MCF2: variants seen among roughly 807,000 people sequenced by gnomAD.
MCF2 encodes MCF.2 cell line derived transforming sequence, also known as proto-oncogene DBL.
In MCF2, 44 loss-of-function variants were observed where a neutral mutation model predicts 82.5. The ratio of observed to expected loss-of-function variants is 0.53; its 90% CI spans 0.42 to 0.69. MCF2 has a LOEUF of 0.69. MCF2 is among the 30% of genes least tolerant of loss of function. The pLI is 0.00. For synonymous variants in MCF2, 217 were observed against 224.9 expected (o/e 0.96, Z 0.32); for missense variants, 623 against 663.1 (o/e 0.94, Z 0.66).
intron 1 of MCF2, among the ~76,000 whole-genome samples, chrX:139,669,313 T>C (rs1308392403): frequency 8.9e-6 from 1 of 112,141 alleles, no homozygotes; most frequent in Non-Finnish European, 1.9e-5. Context: ...TAGGAAAATG[T>C]ATATGGAAAC....
chrX:139,619,511 G>T (rs1932173759), intron 7 of MCF2, 76 bp downstream of exon 10: 1 of 761,420 alleles, frequency 1.3e-6, no homozygotes, highest in Admixed American at 3.7e-5. Context: ...AATAATAAGG[G>T]TTTATACTAC....
chrX:139,625,431 C>T lies in MCF2; in HGVS notation c.687+762G>A, dbSNP rs1424093107. On this transcript the variant is annotated intron_variant, in intron 6 of 24. Coordinates refer to ENST00000370576, the Ensembl canonical transcript of MCF2. Reference sequence around the variant, plus strand: ...TGTTTGAATCAAAGGAGAGAAAACGCTAGTGGTAACTGAGCCCCGCGTCCA... The same window carrying T: ...TGTTTGAATCAAAGGAGAGAAAACGTTAGTGGTAACTGAGCCCCGCGTCCA... Among the ~76,000 whole-genome samples, 9 of 111,461 alleles carry T rather than the reference C, an allele frequency of 8.1e-5. No homozygotes were observed. In the East Asian group the frequency reaches 2.3e-3, roughly 28 times the overall value.
At chrX:139,585,091 T>C in exon 24 of MCF2, 1 of 1,200,957 alleles carries the variant, frequency 8.3e-7, no homozygotes, top group South Asian at 1.8e-5. Flanking sequence ...TTCTTCTTCA[T>C]TTTCATCATA....
intron 1 of MCF2, among the ~76,000 whole-genome samples, chrX:139,658,570 C>T (rs1218592717): frequency 9.2e-6 from 1 of 108,393 alleles, no homozygotes; most frequent in Non-Finnish European, 1.9e-5. Flanking sequence ...GTTCAAGAAA[C>T]TTGAAATTTA....
chrX:139,589,884 C>G, exon 20 of MCF2: 1 of 1,195,992 alleles, frequency 8.4e-7, no homozygotes, highest in Non-Finnish European at 1.1e-6. Flanking sequence ...TTCAAACTTG[C>G]GGTTATCACC....
chrX:139,619,802 G>A (rs1932201164), intron 6 of MCF2, 96 bp from the exon 10 acceptor site: 2 of 618,247 alleles, frequency 3.2e-6, no homozygotes, highest in Non-Finnish European at 4.7e-6. Context: ...ATATTGACAT[G>A]GAGAAATTAC....
At position 139,686,445 on chromosome X, in the gene MCF2, G is replaced by A. The variant is rs192937409; in HGVS notation, c.-45+21661C>T. Among the ~76,000 whole-genome samples the A allele has an allele frequency of 8.1e-4, 89 of 110,414 alleles. No homozygotes were observed. The Middle Eastern group carries it at 0.014, about 17-fold the overall frequency. On this transcript the variant is annotated intron_variant, in intron 1 of 27. Transcript: ENST00000414978. ...GCTGAGGTGAGAGAATCATTTGAGC[G>A]TGGGAGGCGGAGGTTGCAGTGAGCT...
At chrX:139,641,888 ACT>A (rs1283677551) in intron 1 of MCF2, among the ~76,000 whole-genome samples, 36 of 111,693 alleles carry the variant, frequency 3.2e-4, no homozygotes, top group South Asian at 2.6e-3. Context: ...AAAGTGAGTT[ACT>A]GTCTTTTTCC....
intron 18 of MCF2, among the ~76,000 whole-genome samples, chrX:139,597,082 C>T (rs1026763922): frequency 5.4e-5 from 6 of 111,141 alleles, no homozygotes; most frequent in African/African-American, 2.0e-4. Context: ...AGTTTTCCCA[C>T]TGGGTGGAGC....
rs138490288 is a variant in MCF2, at chrX:139,697,394, A to G, written c.-45+10712T>C. On this transcript the variant is annotated intron_variant, in intron 1 of 27. Coordinates refer to the MCF2 transcript ENST00000414978. ...GCCATGACTGAAGAAATATCCACCC[A>G]CTAGATTTTTCAGTTACATAGATCA... Among the ~76,000 whole-genome samples the G allele has an allele frequency of 6.2e-3, 699 of 111,972 alleles. 4 individuals carry two copies. The highest frequency in any genetic ancestry group is 0.021 in the African/African-American group (639 of 30,801).
rs760641110 is a variant in MCF2 at position 139,622,647 on chromosome X, C to T, written c.688-2941G>A. 3.9e-3 allele frequency among the ~76,000 whole-genome samples: 424 copies of T among 109,052 alleles called. 1 individual carries two copies. Among genetic ancestry groups the T allele is most frequent in the African/African-American group, 0.013 (384 of 29,914 alleles). 94.7% of individuals were successfully genotyped at this position (109,052 alleles called of 115,157 possible). ...TCGCAAGGACAAAAAAACCAAACAC[C>T]GCATGTTCTCACTCATAGGTGGGAA... On this transcript the variant is annotated intron_variant, in intron 6 of 24. Coordinates refer to ENST00000370576, the Ensembl canonical transcript of MCF2.
intron 19 of MCF2, among the ~76,000 whole-genome samples, chrX:139,593,468 C>G (rs373693761): frequency 2.7e-5 from 3 of 111,033 alleles, no homozygotes; most frequent in East Asian, 5.6e-4. Context: ...CAAGGAGGAA[C>G]TGGTACCATT....
At chrX:139,614,507 A>ATGTGTGTGTGTG (rs10578610) in intron 10 of MCF2, among the ~76,000 whole-genome samples, 4 of 103,012 alleles carry the variant, frequency 3.9e-5, no homozygotes, top group African/African-American at 1.4e-4. Flanking sequence ...AGCAGTAAAT[A>ATGTGTGTGTGTG]TGTGTGTGTG....
intron 1 of MCF2, among the ~76,000 whole-genome samples, chrX:139,707,122 G>A (rs1319107222): frequency 9.1e-6 from 1 of 110,246 alleles, no homozygotes; most frequent in East Asian, 2.9e-4. Flanking sequence ...CTCTGGGAGG[G>A]AGCTGCTCCC....
intron 1 of MCF2, among the ~76,000 whole-genome samples, chrX:139,682,425 A>G (rs767905022): frequency 1.8e-5 from 2 of 112,473 alleles, no homozygotes; most frequent in South Asian, 7.4e-4. Flanking sequence ...AATCCAAAAC[A>G]TGTAGGTAAA....
At chrX:139,588,505 TAAAAC>T in intron 20 of MCF2, 67 bp from the exon 25 acceptor site, 1 of 651,915 alleles carries the variant, frequency 1.5e-6, no homozygotes, top group Non-Finnish European at 2.5e-6. Flanking sequence ...TGTACTATAA[TAAAAC>T]AAATGTAATT....
At chrX:139,677,099 C>T (rs1934886178) in intron 1 of MCF2, among the ~76,000 whole-genome samples, 1 of 111,596 alleles carries the variant, frequency 9.0e-6, no homozygotes, top group African/African-American at 3.3e-5. Context: ...TGGAGTTTAA[C>T]TGGTATTATG....
At chrX:139,680,455 T>C (rs964994432) in intron 1 of MCF2, among the ~76,000 whole-genome samples, 2 of 112,163 alleles carry the variant, frequency 1.8e-5, no homozygotes, top group Non-Finnish European at 3.8e-5. Context: ...GAAAAGGCAC[T>C]GAAAGGGCAT....
chrX:139,641,202 G>GTA (rs1171553404), intron 1 of MCF2, among the ~76,000 whole-genome samples: 3 of 106,509 alleles, frequency 2.8e-5, no homozygotes, highest in Non-Finnish European at 5.8e-5. Context: ...ATAAATATAT[G>GTA]TATATATATA....
Sources: allele counts gnomAD v4.1 joint callset (sites outside exome capture counted in the v4.1 genomes callset), GRCh38; gene constraint gnomAD v4.1.1; transcripts MANE v1.5; gene names NCBI Gene and HGNC (gene_info 2026-07-23, HGNC 2026-07-21).